The following TDRD6 variants were observed in gnomAD, a reference collection of about 807,000 sequenced individuals.
TDRD6 encodes the protein tudor domain containing 6, also known as tudor domain-containing protein 6.
A neutral mutation model predicts 157.5 loss-of-function variants in TDRD6; 186 were observed. The observed-to-expected ratio is 1.18, with a 90% CI of 1.05 to 1.33. The LOEUF is 1.33. Ranked by LOEUF, TDRD6 falls within the 40% of genes most tolerant of loss-of-function variation. The pLI, the probability that TDRD6 is intolerant of heterozygous loss-of-function variation, is 0.00. For synonymous variants in TDRD6, 1,075 were observed against 945.2 expected (o/e 1.14, Z -2.52); for missense variants, 3,066 against 2,508.0 (o/e 1.22, Z -4.75).
chr6:46,695,816 G>A lies in TDRD6; in HGVS notation c.6047-5G>A. On this transcript the variant is annotated splice_region_variant and splice_polypyrimidine_tract_variant and intron_variant, in intron 1 of 3. Coordinates refer to ENST00000316081, the MANE Select transcript of TDRD6 (RefSeq NM_001010870.3). Reference sequence around the variant, plus strand: ...CATTGAGTCTTACTCAATTCAATTTGGCAGCTCAACTACAGAACACCTACA... The same window carrying A: ...CATTGAGTCTTACTCAATTCAATTTAGCAGCTCAACTACAGAACACCTACA... The A allele has an allele frequency of 1.2e-6, 2 of 1,611,366 alleles. No individual in the cohort carries two copies. The highest frequency in any genetic ancestry group is 8.5e-7 in the Non-Finnish European group (1 of 1,179,010).
At position 46,692,323 on chromosome 6, in the gene TDRD6, AAC is replaced by A; in HGVS notation, c.4197_4198del (p.Asn1399LysfsTer4). 6.2e-7 allele frequency: 1 copy of A among 1,614,168 alleles called. No individual in the cohort carries two copies. The highest frequency in any genetic ancestry group is 8.5e-7 in the Non-Finnish European group (1 of 1,180,018). ...TGGCAATGTTTCTGTGGTTCATACT[AAC>A]AAAATAGGTAGGCTTGACCTTGTTA... ...DYGNVSVVHT[N>X]KIGRLDLVNA... On this transcript the variant is annotated frameshift_variant, in exon 1 of 4. Transcript: ENST00000316081. LOFTEE classifies it high-confidence loss of function.
At position 46,689,626 on chromosome 6, in the gene TDRD6, T is replaced by C. The variant is rs755954753; in HGVS notation, c.1498T>C (p.Ser500Pro). Residue 500 changes from serine (S) to proline (P), a missense_variant, in exon 1 of 4, where the codon TCT (serine) becomes CCT (proline). By Grantham distance (74) the Ser-to-Pro change is moderately conservative. Transcript: ENST00000316081. The part of the protein sequence containing the change: ...DAQVEFVKNP[S>P]EFWIRLRKHN... Reference sequence around the variant, plus strand: ...GCAGGTAGAGTTTGTTAAAAATCCTTCTGAGTTTTGGATTAGGTTGAGGAA... The same window carrying C: ...GCAGGTAGAGTTTGTTAAAAATCCTCCTGAGTTTTGGATTAGGTTGAGGAA... 2 of 1,614,082 alleles carry C rather than the reference T, an allele frequency of 1.2e-6. No individual in the cohort carries two copies. Among genetic ancestry groups the C allele is most frequent in the Non-Finnish European group, 1.7e-6 (2 of 1,180,056 alleles).
chr6:46,687,658 C>T (rs1372092346), upstream of TDRD6: 2 of 154,112 alleles, frequency 1.3e-5, no homozygotes, highest in Non-Finnish European at 2.9e-5. Context: ...GGAAATCCCT[C>T]TCTGGTCGGT....
At chr6:46,698,954 A>G (rs1281770448) in intron 3 of TDRD6, among the ~76,000 whole-genome samples, 1 of 152,158 alleles carries the variant, frequency 6.6e-6, no homozygotes, top group Non-Finnish European at 1.5e-5. Flanking sequence ...TTTGTTGTTC[A>G]GGTCTTCCAG....
At chr6:46,697,189 T>TCGC in intron 2 of TDRD6, among the ~76,000 whole-genome samples, 1 of 152,166 alleles carries the variant, frequency 6.6e-6, no homozygotes, top group Non-Finnish European at 1.5e-5. Context: ...GCTTGCTCTT[T>TCGC]CGATATATTT....
Position 46,688,112 on chromosome 6 carries a change from C to A in TDRD6, c.-17C>A. ...GCCCTTAATTTCCGGAAGTGGGGGC[C>A]GCGCCGCGCCGTCAAGATGTGCTCG... On this transcript the variant is annotated 5_prime_UTR_variant, in exon 1 of 4. Transcript: ENST00000316081. 6.8e-7 allele frequency: 1 copy of A among 1,475,480 alleles called. No individual in the cohort carries two copies. Among genetic ancestry groups the A allele is most frequent in the East Asian group, 2.7e-5 (1 of 37,734 alleles). 91.4% of individuals were successfully genotyped at this position (1,475,480 alleles called of 1,614,324 possible). A position where few individuals can be genotyped will look rare whatever the true frequency, so the allele number is the denominator to read the frequency against.
Position 46,688,874 on chromosome 6 carries a change from GCGT to G in TDRD6, c.747_749del (p.Val250del). ...TACTTCTATCCCCAGCTGCAGCTGG[GCGT>G]GACGGAGGCCGTGGTCATAACCCAA... On this transcript the variant is annotated inframe_deletion, in exon 1 of 4. Transcript: ENST00000316081. 6.2e-7 allele frequency: 1 copy of G among 1,608,728 alleles called. No individual in the cohort carries two copies. The highest frequency in any genetic ancestry group is 8.5e-7 in the Non-Finnish European group (1 of 1,176,686).
Position 46,688,774 on chromosome 6 carries a change from G to C in TDRD6, c.646G>C (p.Ala216Pro), listed in dbSNP as rs1211673045. 1 of 1,607,578 alleles carries C rather than the reference G, an allele frequency of 6.2e-7. No individual in the cohort carries two copies. Among genetic ancestry groups the C allele is most frequent in the African/African-American group, 1.3e-5 (1 of 74,950 alleles). The change falls in exon 1 of 4, where the codon GCC (alanine) becomes CCC (proline). Residue 216 changes from alanine to proline, a missense_variant. Coordinates refer to ENST00000316081, the MANE Select transcript of TDRD6 (RefSeq NM_001010870.3). The stretch of plus-strand genomic sequence containing the variant: ...GCTGCTGGAGCGCTATCTCACAGCG[G>C]CCACTGCTAGCGTGGGCTCCGGGGT... ...RSLLERYLTA[A>P]TASVGSGVPV...
chr6:46,693,538 A>G lies in TDRD6; in HGVS notation c.5410A>G (p.Lys1804Glu), dbSNP rs1764406788. 4.3e-6 allele frequency: 7 copies of G among 1,613,952 alleles called. No homozygotes were observed. Among genetic ancestry groups the G allele is most frequent in the Non-Finnish European group, 5.9e-6 (7 of 1,179,940 alleles). ...TGAATTAGAGTGCCATCTGGTTGAC[A>G]AAGCAGAGTTTGATGATAAATACCT... ...EGELECHLVD[K>E]AEFDDKYLIT... Residue 1804 changes from lysine to glutamate, a missense_variant, in exon 1 of 4, where the codon AAA becomes GAA. Lys to Glu is a moderately conservative substitution (Grantham distance 56, BLOSUM62 1). Transcript: ENST00000316081.
Position 46,692,548 on chromosome 6 carries a change from A to G in TDRD6, c.4420A>G (p.Ile1474Val). ...DEHGIIADDM[I>V]SRYALSEKSQ... ...ACATGGGATCATAGCAGATGATATGATTAGCAGGTATGCTCTCAGTGAAAA... is the reference window on the plus strand; with the variant it reads ...ACATGGGATCATAGCAGATGATATGGTTAGCAGGTATGCTCTCAGTGAAAA... The change falls in exon 1 of 4, where the codon ATT becomes GTT. Residue 1474 changes from isoleucine to valine, a missense_variant. Coordinates refer to ENST00000316081, the MANE Select transcript of TDRD6 (RefSeq NM_001010870.3). 3.7e-6 allele frequency: 6 copies of G among 1,613,934 alleles called. No homozygotes were observed. The highest frequency in any genetic ancestry group is 5.1e-6 in the Non-Finnish European group (6 of 1,180,032).
chr6:46,695,710 ATGATAT>A (rs1472260808), intron 1 of TDRD6, 105 bp from the exon 2 acceptor site: 65 of 1,075,292 alleles, frequency 6.0e-5, no homozygotes, highest in Non-Finnish European at 7.6e-5. Context: ...TACTAATTAC[ATGATAT>A]TGATGATATA....
the TDRD6 span, among the ~76,000 whole-genome samples, chr6:46,680,302 G>A: frequency 1.3e-5 from 2 of 151,656 alleles, no homozygotes; most frequent in Non-Finnish European, 2.9e-5. Context: ...TCCAGCCTGG[G>A]CAACGGAGGG....
In TDRD6 at chr6:46,688,172, C is replaced by T. The variant is rs369240305; in HGVS notation, c.44C>T (p.Ala15Val). The T allele has an allele frequency of 5.8e-6, 9 of 1,549,722 alleles. No homozygotes were observed. In the South Asian group the frequency reaches 7.0e-5, roughly 12 times the overall value. Residue 15 changes from alanine to valine, a missense_variant, in exon 1 of 4, where the codon GCC becomes GTC. Ala to Val is a moderately conservative substitution (Grantham distance 64). Coordinates refer to ENST00000316081, the MANE Select transcript of TDRD6 (RefSeq NM_001010870.3). The stretch of plus-strand genomic sequence containing the variant: ...ATGCCGGCGCCGGGGGCCTCGCTGG[C>T]CCTGCGGGTGTCCTTCGTGGACGTG... ...PGMPAPGASLALRVSFVDVHP... is the reference protein window; with the variant it reads ...PGMPAPGASLVLRVSFVDVHP...
intron 2 of TDRD6, among the ~76,000 whole-genome samples, chr6:46,696,543 A>ATGTG (rs1356759506): frequency 2.6e-4 from 27 of 101,932 alleles, no homozygotes; most frequent in African/African-American, 8.9e-4. Context: ...GTGTATATAT[A>ATGTG]TGTATATATG....
At chr6:46,687,019 A>G (rs1334919828), upstream of TDRD6, among the ~76,000 whole-genome samples, 2 of 152,262 alleles carry the variant, frequency 1.3e-5, no homozygotes, top group Non-Finnish European at 2.9e-5. Context: ...CAGGCAGACT[A>G]TAAGAAGCTT....
In TDRD6 at chr6:46,690,198, C is replaced by T. The variant is rs1224400319; in HGVS notation, c.2070C>T (p.His690=). ...NAHSPGHVSN[H]FTTESNKIPF... ...ACTCCCCAGGGCATGTTTCAAACCA[C>T]TTTACTACGGAGAGTAACAAAATAC... is the stretch of plus-strand genomic sequence containing the variant. Residue 690 remains histidine, a synonymous_variant, in exon 1 of 4, where the codon CAC becomes CAT. Transcript: ENST00000316081. The T allele has an allele frequency of 1.2e-6, 2 of 1,613,912 alleles. No individual in the cohort carries two copies. Among genetic ancestry groups the T allele is most frequent in the South Asian group, 1.1e-5 (1 of 91,080 alleles).
intron 1 of TDRD6, among the ~76,000 whole-genome samples, chr6:46,695,089 A>T (rs1270363004): frequency 6.6e-6 from 1 of 152,168 alleles, no homozygotes; most frequent in East Asian, 1.9e-4. Context: ...TTTATAATCA[A>T]TGCTATACTT....
In TDRD6 at chr6:46,690,448, G is replaced by GTTGGAGC. The variant is rs1284515122; in HGVS notation, c.2321_2322insTGGAGCT (p.Glu775GlyfsTer10). 2 of 1,614,156 alleles carry GTTGGAGC rather than the reference G, an allele frequency of 1.2e-6. No homozygotes were observed. The highest frequency in any genetic ancestry group is 4.5e-5 in the East Asian group (2 of 44,880). ...AGGAGAGCTGGAAGTTGGAAGTACA[G>GTTGGAGC]TAGAAGTCAGAGTGTCTTATGTTGA... On this transcript the variant is annotated frameshift_variant, in exon 1 of 4. Coordinates refer to ENST00000316081, the MANE Select transcript of TDRD6 (RefSeq NM_001010870.3). LOFTEE classifies it high-confidence loss of function.
chr6:46,689,690 G>A lies in TDRD6; in HGVS notation c.1562G>A (p.Cys521Tyr). ...VTFSKLMRRM[C>Y]GFYSSASKLD... ...TTCAGTAAGCTGATGAGGAGAATGT[G>A]TGGTTTCTATTCCTCTGCCAGTAAG... The change falls in exon 1 of 4, where the codon TGT (cysteine) becomes TAT (tyrosine). Residue 521 changes from cysteine (C) to tyrosine (Y), a missense_variant. By Grantham distance (194) the Cys-to-Tyr change is radical. Coordinates refer to ENST00000316081, the MANE Select transcript of TDRD6 (RefSeq NM_001010870.3). 1.2e-6 allele frequency: 2 copies of A among 1,614,232 alleles called. No homozygotes were observed. The highest frequency in any genetic ancestry group is 1.7e-6 in the Non-Finnish European group (2 of 1,180,050).
Sources: allele counts gnomAD v4.1 joint callset (sites outside exome capture counted in the v4.1 genomes callset), GRCh38; gene constraint gnomAD v4.1.1; transcripts MANE v1.5; gene names NCBI Gene and HGNC (gene_info 2026-07-23, HGNC 2026-07-21).